Variants in CTNNA3 observed in about 807,000 individuals in gnomAD.
The protein encoded by CTNNA3 is catenin alpha-3.
In CTNNA3, 76 loss-of-function variants were observed where a neutral mutation model predicts 95.7. The observed-to-expected ratio is 0.79, with a 90% CI of 0.66 to 0.96. CTNNA3 has a LOEUF of 0.96. Among genes scored for constraint, CTNNA3 ranks in the 40% least tolerant of loss-of-function variants. The pLI is 0.00. For missense variants in CTNNA3, 1,191 were observed against 1,089.8 expected, an observed-to-expected ratio of 1.09 and a Z score of -1.31; for synonymous variants, 431 against 374.4, an observed-to-expected ratio of 1.15 and a Z score of -1.74.
intron 9 of CTNNA3, among the ~76,000 whole-genome samples, chr10:66,756,147 C>T (rs1460067129): frequency 1.3e-5 from 2 of 152,034 alleles, no homozygotes; most frequent in Non-Finnish European, 2.9e-5. Context: ...TCCTTTGACA[C>T]AATGATCTGA....
rs533031491 is a variant in CTNNA3, at chr10:67,526,593, C to T, written c.460-4632G>A. On this transcript the variant is annotated intron_variant, in intron 4 of 17. Coordinates refer to ENST00000433211, the MANE Select transcript of CTNNA3 (RefSeq NM_013266.4). ...ACAAATTGTCTTTGCCTGCCTACTT[C>T]ACTCAGTTGTTGTGAAATCAGTTGA... 3.5e-4 allele frequency among the ~76,000 whole-genome samples: 53 copies of T among 152,270 alleles called. 1 individual carries two copies. Among genetic ancestry groups the T allele is most frequent in the South Asian group, 2.9e-3 (14 of 4,822 alleles).
intron 5 of CTNNA3, among the ~76,000 whole-genome samples, chr10:67,521,481 T>C (rs1471758256): frequency 6.6e-6 from 1 of 152,176 alleles, no homozygotes; most frequent in Non-Finnish European, 1.5e-5. Flanking sequence ...GGTCTTCAGG[T>C]GATTTTTCTC....
At chr10:67,037,471 T>A (rs1280260543) in intron 7 of CTNNA3, among the ~76,000 whole-genome samples, 1 of 152,168 alleles carries the variant, frequency 6.6e-6, no homozygotes, top group Non-Finnish European at 1.5e-5. Flanking sequence ...TTTCTTTTCT[T>A]TAGCTTTTAG....
chr10:66,777,755 G>A (rs1295302254), intron 7 of CTNNA3, among the ~76,000 whole-genome samples: 2 of 143,212 alleles, frequency 1.4e-5, no homozygotes, highest in Non-Finnish European at 3.0e-5. Flanking sequence ...CAGACAAAGA[G>A]ACCTCCTACA....
chr10:67,139,996 G>A (rs1304133281), intron 7 of CTNNA3, among the ~76,000 whole-genome samples: 1 of 152,110 alleles, frequency 6.6e-6, no homozygotes, highest in South Asian at 2.1e-4. Context: ...TGTCTATAGA[G>A]TGCTTTAATT....
intron 5 of CTNNA3, among the ~76,000 whole-genome samples, chr10:67,498,360 G>C (rs1483471779): frequency 6.6e-6 from 1 of 152,170 alleles, no homozygotes; most frequent in Admixed American, 6.5e-5. Context: ...TTTGAAGTCA[G>C]GTAGTGTGGT....
chr10:67,045,417 T>TTTGTTGTTGTTGTTTG (rs1354309359), intron 7 of CTNNA3, among the ~76,000 whole-genome samples: 1 of 152,140 alleles, frequency 6.6e-6, no homozygotes, highest in Non-Finnish European at 1.5e-5. Flanking sequence ...TGTTGGTTTT[T>TTTGTTGTTGTTGTTTG]TTGTTGTTGT....
intron 1 of CTNNA3, among the ~76,000 whole-genome samples, chr10:67,689,065 A>G (rs2133583700): frequency 1.3e-5 from 2 of 152,262 alleles, no homozygotes; most frequent in South Asian, 4.2e-4. Flanking sequence ...TTACCGATGC[A>G]TTCTCAAAAA....
chr10:66,419,264 C>CA (rs59069708), intron 11 of CTNNA3, among the ~76,000 whole-genome samples: 152,123 of 152,130 alleles, frequency 1, 76,058 homozygotes, highest in Non-Finnish European at 1. Flanking sequence ...AAAACAAAAA[C>CA]AAAACAGAAG....
At chr10:66,148,120 T>C (rs2083993902) in intron 13 of CTNNA3, among the ~76,000 whole-genome samples, 1 of 152,212 alleles carries the variant, frequency 6.6e-6, no homozygotes, top group East Asian at 1.9e-4. Flanking sequence ...TTTTCCATTT[T>C]TCTGATGAAT....
intron 11 of CTNNA3, 103 bp from the exon 12 acceptor site, chr10:66,379,455 G>A: frequency 2.1e-6 from 2 of 955,478 alleles, no homozygotes; most frequent in Non-Finnish European, 3.2e-6. Flanking sequence ...CAGATAGAGT[G>A]CACATTGGAA....
upstream of CTNNA3, among the ~76,000 whole-genome samples, chr10:67,699,705 G>C (rs559629332): frequency 6.6e-6 from 1 of 152,216 alleles, no homozygotes; most frequent in Non-Finnish European, 1.5e-5. Flanking sequence ...CGCAGAAGAC[G>C]GGTGATTTCT....
chr10:67,414,117 A>G (rs1845466872), intron 5 of CTNNA3, among the ~76,000 whole-genome samples: 1 of 152,128 alleles, frequency 6.6e-6, no homozygotes, highest in South Asian at 2.1e-4. Flanking sequence ...GAGATGCAAT[A>G]AACCATACAA....
intron 12 of CTNNA3, among the ~76,000 whole-genome samples, chr10:66,357,199 G>A (rs935044314): frequency 6.6e-6 from 1 of 151,990 alleles, no homozygotes; most frequent in Non-Finnish European, 1.5e-5. Context: ...GCAATGTTTA[G>A]TAGAATTAAC....
chr10:67,391,214 A>T (rs949109652), intron 5 of CTNNA3, among the ~76,000 whole-genome samples: 15 of 152,090 alleles, frequency 9.9e-5, no homozygotes, highest in Non-Finnish European at 1.3e-4. Flanking sequence ...AAGTCTCAGG[A>T]TACAAAATCA....
chr10:66,310,279 G>A (rs560548661), intron 12 of CTNNA3, among the ~76,000 whole-genome samples: 2 of 152,096 alleles, frequency 1.3e-5, no homozygotes, highest in South Asian at 4.2e-4. Flanking sequence ...AGTAAACTGT[G>A]ATTTTGACAT....
chr10:67,730,622 G>A (rs1841268905), intron 1 of CTNNA3, among the ~76,000 whole-genome samples: 1 of 151,966 alleles, frequency 6.6e-6, no homozygotes, highest in African/African-American at 2.4e-5. Flanking sequence ...TAAGATTGGA[G>A]CAGAAGGATA....
intron 16 of CTNNA3, among the ~76,000 whole-genome samples, chr10:65,969,919 G>A (rs1229760379): frequency 6.6e-6 from 1 of 152,038 alleles, no homozygotes; most frequent in East Asian, 1.9e-4. Context: ...GAAATCCAGA[G>A]AACACTTGAG....
intron 7 of CTNNA3, among the ~76,000 whole-genome samples, chr10:66,921,369 C>T (rs897652542): frequency 6.6e-6 from 1 of 152,156 alleles, no homozygotes; most frequent in Non-Finnish European, 1.5e-5. Context: ...CGATCCACAG[C>T]AGTGATCCTT....
Sources: gnomAD v4.1 joint callset for allele counts (sites outside exome capture counted in the v4.1 genomes callset) on GRCh38, gnomAD v4.1.1 for gene constraint, MANE v1.5 for transcripts, NCBI Gene and HGNC (gene_info 2026-07-23, HGNC 2026-07-21) for gene names.